Variants in COL5A1 observed in about 807,000 individuals in gnomAD.
COL5A1 encodes the protein collagen alpha-1(V) chain.
A neutral mutation model predicts 263.7 loss-of-function variants in COL5A1; 16 were observed. That is an observed-to-expected ratio of 0.06 (90% CI 0.04 to 0.09). The LOEUF is 0.09. Ranked by LOEUF, COL5A1 falls within the 10% of genes least tolerant of loss-of-function variation. The probability of loss-of-function intolerance (pLI) is 1.00; values close to 1 mark genes in which losing one functional copy is unlikely to be tolerated. For synonymous variants in COL5A1, 1,012 were observed against 1,004.5 expected (o/e 1.01, Z -0.14); for missense variants, 2,036 against 2,540.5 (o/e 0.80, Z 4.27).
rs1180815407 is a variant in COL5A1 at position 134,755,738 on chromosome 9, G to A, written c.1828-1027G>A. Among the ~76,000 whole-genome samples, 2 of 152,238 alleles carry A rather than the reference G, an allele frequency of 1.3e-5. No individual in the cohort carries two copies. Among genetic ancestry groups the A allele is most frequent in the African/African-American group, 4.8e-5 (2 of 41,456 alleles). ...CCCTCCATTTGCCCAACAGGGCGATGTCTTTTTGGGGAGCAACGGGAGCAC... is the reference window on the plus strand; with the variant it reads ...CCCTCCATTTGCCCAACAGGGCGATATCTTTTTGGGGAGCAACGGGAGCAC... On this transcript the variant is annotated intron_variant, in intron 16 of 65. Transcript: ENST00000371817. This position sits in a 1 kb window ranked among gnomAD's most constrained non-coding sequence, Gnocchi z 4.1.
At position 134,738,534 on chromosome 9, in the gene COL5A1, C is replaced by T. The variant is rs756435201; in HGVS notation, c.1431+19C>T. On this transcript the variant is annotated intron_variant, in intron 10 of 65. Transcript: ENST00000371817. ...CCCCGCGGTGAGTATCCGGCTTTATCCTGTGACTTGCAGAAGGTGCTCTTG... is the reference window on the plus strand; with the variant it reads ...CCCCGCGGTGAGTATCCGGCTTTATTCTGTGACTTGCAGAAGGTGCTCTTG... 8 of 1,614,016 alleles carry T rather than the reference C, an allele frequency of 5.0e-6. No individual in the cohort carries two copies. The highest frequency in any genetic ancestry group is 6.8e-6 in the Non-Finnish European group (8 of 1,180,014).
intron 18 of COL5A1, among the ~76,000 whole-genome samples, chr9:134,760,031 C>T (rs1295873849): frequency 1.8e-4 from 22 of 122,512 alleles, no homozygotes; most frequent in Middle Eastern, 5.3e-3. Flanking sequence ...CACACCCACG[C>T]ACACACGCAC....
At position 134,690,951 on chromosome 9, in the gene COL5A1, A is replaced by G. The variant is rs79138021; in HGVS notation, c.149A>G (p.Asn50Ser). ...ADLLKVLDFHNLPDGITKTTG... is the reference protein window; with the variant it reads ...ADLLKVLDFHSLPDGITKTTG... ...CTCCTGAAGGTTCTAGATTTTCACA[A>G]CTTGCCTGATGGAATAACAAAGACA... The change falls in exon 2 of 66, where the codon AAC becomes AGC. Residue 50 changes from asparagine (N) to serine (S), a missense_variant. Physicochemically the swap from Asn to Ser is conservative, Grantham distance 46. Coordinates refer to ENST00000371817, the MANE Select transcript of COL5A1 (RefSeq NM_000093.5). 24 of 1,613,784 alleles carry G rather than the reference A, an allele frequency of 1.5e-5. No individual in the cohort carries two copies. The highest frequency in any genetic ancestry group is 2.2e-5 in the East Asian group (1 of 44,876).
intron 4 of COL5A1, among the ~76,000 whole-genome samples, chr9:134,725,117 C>A (rs117707935): frequency 0.026 from 3,946 of 152,272 alleles, 67 homozygotes; most frequent in Non-Finnish European, 0.041. Flanking sequence ...ACCGGAGACG[C>A]CACCGTCTCC....
intron 28 of COL5A1, 127 bp from the exon 29 acceptor site, chr9:134,782,540 G>T (rs370346972): frequency 1.1e-6 from 1 of 883,610 alleles, no homozygotes; most frequent in East Asian, 2.4e-5. Flanking sequence ...CACCCCGTCC[G>T]GGCCATGTGC....
At chr9:134,795,210 G>GT in intron 33 of COL5A1, 52 bp from the exon 34 acceptor site, 1 of 1,612,764 alleles carries the variant, frequency 6.2e-7, no homozygotes, top group Admixed American at 1.7e-5. Context: ...GGGGAAGGCA[G>GT]TGTCTGTGTG....
At position 134,642,790 on chromosome 9, in the gene COL5A1, G is replaced by C. The variant is rs1439818981; in HGVS notation, c.109+494G>C. The stretch of plus-strand genomic sequence containing the variant: ...GGCCCCCAGCACTGAACTTCCCCCA[G>C]GCACTGTCACTCTAGGCTGAGCTGG... On this transcript the variant is annotated intron_variant, in intron 1 of 65. Coordinates refer to ENST00000371817, the MANE Select transcript of COL5A1 (RefSeq NM_000093.5). This position sits in a 1 kb window ranked among gnomAD's most constrained non-coding sequence, Gnocchi z 4.5. Among the ~76,000 whole-genome samples, 1 of 152,200 alleles carries C rather than the reference G, an allele frequency of 6.6e-6. No homozygotes were observed. Among genetic ancestry groups the C allele is most frequent in the Non-Finnish European group, 1.5e-5 (1 of 68,014 alleles).
At chr9:134,723,667 C>A (rs572467850) in intron 4 of COL5A1, among the ~76,000 whole-genome samples, 1 of 152,192 alleles carries the variant, frequency 6.6e-6, no homozygotes, top group African/African-American at 2.4e-5. Context: ...ACCGGACGGA[C>A]CCCTGAACCC....
rs10708719 is a variant in COL5A1 at position 134,812,914 on chromosome 9, AG to A, written c.3852+205del. On this transcript the variant is annotated intron_variant, in intron 48 of 65. Transcript: ENST00000371817. The stretch of plus-strand genomic sequence containing the variant: ...GGGCATGGCTGGTTTATTCCTATGA[AG>A]GGCATTTTGAAATGTAGGCAGATGC... Among the ~76,000 whole-genome samples, 57,481 of 151,582 alleles carry A rather than the reference AG, an allele frequency of 0.38. 10,964 individuals are homozygous for A. Among genetic ancestry groups the A allele is most frequent in the Middle Eastern group, 0.43 (124 of 290 alleles).
At chr9:134,658,667 G>T (rs866228336) in intron 1 of COL5A1, among the ~76,000 whole-genome samples, 5 of 152,290 alleles carry the variant, frequency 3.3e-5, no homozygotes, top group East Asian at 1.9e-4. Context: ...AATGGAAGCC[G>T]ACGCCCCTCT....
chr9:134,730,850 A>T (rs901158214), intron 7 of COL5A1, among the ~76,000 whole-genome samples: 2 of 152,064 alleles, frequency 1.3e-5, no homozygotes, highest in Non-Finnish European at 2.9e-5. Flanking sequence ...GCCAGGCAGG[A>T]TGGGGCTGGG....
intron 4 of COL5A1, among the ~76,000 whole-genome samples, chr9:134,717,937 A>C (rs1224437072): frequency 6.6e-6 from 1 of 152,046 alleles, no homozygotes; most frequent in African/African-American, 2.4e-5. Context: ...GGAGGAGTGC[A>C]TGATTAAATG....
In COL5A1 at chr9:134,756,768, C is replaced by T. The variant is rs147329970; in HGVS notation, c.1831C>T (p.Arg611Trp). 221 of 1,613,974 alleles carry T rather than the reference C, an allele frequency of 1.4e-4. No homozygotes were observed. The highest frequency in any genetic ancestry group is 1.6e-4 in the Non-Finnish European group (191 of 1,180,006). Residue 611 changes from arginine (R) to tryptophan (W), a missense_variant, in exon 17 of 66, where the codon CGG (arginine) becomes TGG (tryptophan). By Grantham distance (101) the Arg-to-Trp change is moderately radical. This residue lies in a region of COL5A1 where 1,078 missense variants were observed against 1,521.4 expected (regional missense o/e 0.71). Transcript: ENST00000371817. The part of the protein sequence containing the change: ...GPAGKPGRRG[R>W]AGSDGARGMP... ...GGTTTTGCCTCCTTTGTTCCAGGGTCGGGCTGGGAGTGATGGAGCCAGAGG... is the reference window on the plus strand; with the variant it reads ...GGTTTTGCCTCCTTTGTTCCAGGGTTGGGCTGGGAGTGATGGAGCCAGAGG...
intron 5 of COL5A1, among the ~76,000 whole-genome samples, chr9:134,727,619 T>C (rs143859938): frequency 6.6e-6 from 1 of 152,348 alleles, no homozygotes; most frequent in East Asian, 1.9e-4. Context: ...CCCTCTCCTT[T>C]AACCTTTTGA....
Position 134,716,811 on chromosome 9 carries a change from A to G in COL5A1, c.655-10455A>G, listed in dbSNP as rs1834278500. The stretch of plus-strand genomic sequence containing the variant: ...CAGATGTGTCATTTTGCAGCCTTGC[A>G]CCCAGAGCTGTTGTGAGTAGACTTG... On this transcript the variant is annotated intron_variant, in intron 4 of 65. Transcript: ENST00000371817. This position sits in a 1 kb window ranked among gnomAD's most constrained non-coding sequence, Gnocchi z 4.5. Among the ~76,000 whole-genome samples, 1 of 152,124 alleles carries G rather than the reference A, an allele frequency of 6.6e-6. No homozygotes were observed. Among genetic ancestry groups the G allele is most frequent in the Non-Finnish European group, 1.5e-5 (1 of 68,022 alleles).
Position 134,826,529 on chromosome 9 carries a change from T to G in COL5A1, c.5067+625T>G, listed in dbSNP as rs144048112. Among the ~76,000 whole-genome samples, 10 of 151,002 alleles carry G rather than the reference T, an allele frequency of 6.6e-5. No homozygotes were observed. In the East Asian group the frequency reaches 2.0e-3, roughly 29 times the overall value. On this transcript the variant is annotated intron_variant, in intron 63 of 65. Transcript: ENST00000371817. ...TGGATGGTGTGTGGGCACATGTGGA[T>G]GAGTGTGTGGATGGGTGTGTGAATG...
intron 11 of COL5A1, among the ~76,000 whole-genome samples, chr9:134,743,516 C>T (rs1835366987): frequency 6.6e-6 from 1 of 152,194 alleles, no homozygotes; most frequent in South Asian, 2.1e-4. Context: ...CTCTGGGAAG[C>T]CCCAGGGATT....
At chr9:134,822,478 A>G (rs2132875630) in intron 59 of COL5A1, among the ~76,000 whole-genome samples, 1 of 152,248 alleles carries the variant, frequency 6.6e-6, no homozygotes, top group South Asian at 2.1e-4. Flanking sequence ...AATTCCCAGG[A>G]GCCCGGCCAG....
At chr9:134,718,018 G>T (rs1461328837) in intron 4 of COL5A1, among the ~76,000 whole-genome samples, 1 of 151,852 alleles carries the variant, frequency 6.6e-6, no homozygotes, top group East Asian at 1.9e-4. Context: ...GGGGGGCCGC[G>T]GCCACGGGAG....
Sources: allele counts gnomAD v4.1 joint callset (sites outside exome capture counted in the v4.1 genomes callset), GRCh38; gene constraint gnomAD v4.1.1; regional missense constraint gnomAD v4.1.1; non-coding constraint Gnocchi (gnomAD v3.1); transcripts MANE v1.5; gene names NCBI Gene and HGNC (gene_info 2026-07-23, HGNC 2026-07-21).